The following SCGN variants were observed in gnomAD, a reference collection of about 807,000 sequenced individuals.
SCGN encodes the protein secretagogin, EF-hand calcium binding protein, also known as secretagogin.
In SCGN, 30 loss-of-function variants were observed where a neutral mutation model predicts 39.7. The ratio of observed to expected loss-of-function variants is 0.76; its 90% CI spans 0.57 to 1.03. The LOEUF (loss-of-function observed/expected upper bound fraction) is 1.03, where lower values mean the gene tolerates loss of function less well. Ranked by LOEUF, SCGN falls within the 50% of genes least tolerant of loss-of-function variation. The pLI, the probability that SCGN is intolerant of heterozygous loss-of-function variation, is 0.00. For synonymous variants in SCGN, 106 were observed against 114.1 expected, an observed-to-expected ratio of 0.93 and a Z score of 0.45; for missense variants, 353 against 349.4, an observed-to-expected ratio of 1.01 and a Z score of -0.08.
intron 2 of SCGN, 125 bp from the exon 3 acceptor site, chr6:25,661,427 C>T: frequency 1.5e-6 from 1 of 664,004 alleles, no homozygotes; most frequent in East Asian, 2.8e-5. Context: ...TTTAAATGGT[C>T]AAGGAACCTG....
chr6:25,669,364 C>G, intron 4 of SCGN, 147 bp from the exon 5 acceptor site: 1 of 646,918 alleles, frequency 1.5e-6, no homozygotes, highest in Non-Finnish European at 2.6e-6. Flanking sequence ...CAAAATTGCT[C>G]TCACCAAAGA....
intron 3 of SCGN, among the ~76,000 whole-genome samples, chr6:25,663,603 T>G (rs925818850): frequency 3.9e-5 from 6 of 152,192 alleles, no homozygotes; most frequent in African/African-American, 1.4e-4. Flanking sequence ...GGCACAGATA[T>G]ATTAACTAAA....
chr6:25,673,719 T>C (rs549974075), intron 6 of SCGN, among the ~76,000 whole-genome samples: 4 of 152,328 alleles, frequency 2.6e-5, no homozygotes, highest in Admixed American at 6.5e-5. Context: ...TGGTTCTAAA[T>C]TGTCCCATGG....
intron 6 of SCGN, among the ~76,000 whole-genome samples, chr6:25,676,919 A>G (rs1482630796): frequency 6.6e-6 from 1 of 152,220 alleles, no homozygotes; most frequent in Non-Finnish European, 1.5e-5. Context: ...TGAATGAATG[A>G]TGCCAGTCAC....
At chr6:25,684,599 G>C (rs1342359170) in intron 7 of SCGN, among the ~76,000 whole-genome samples, 1 of 152,142 alleles carries the variant, frequency 6.6e-6, no homozygotes, top group Non-Finnish European at 1.5e-5. Context: ...TTTGAGGCCA[G>C]CCTGGCCAGC....
intron 2 of SCGN, among the ~76,000 whole-genome samples, chr6:25,660,669 T>C (rs1378665486): frequency 2.0e-5 from 3 of 152,194 alleles, no homozygotes; most frequent in Non-Finnish European, 4.4e-5. Context: ...CCTGTACACA[T>C]GTGCATGGAT....
chr6:25,666,016 GTTATTTATTTATTTAT>G (rs10585201), intron 4 of SCGN, among the ~76,000 whole-genome samples: 2 of 149,868 alleles, frequency 1.3e-5, no homozygotes, highest in African/African-American at 4.9e-5. Flanking sequence ...ATTATCCACA[GTTATTTATTTATTTAT>G]TTATTTATTT....
intron 7 of SCGN, among the ~76,000 whole-genome samples, chr6:25,682,836 C>G (rs1759655000): frequency 6.6e-6 from 1 of 152,144 alleles, no homozygotes; most frequent in Non-Finnish European, 1.5e-5. Context: ...GGTAACTCGA[C>G]AAAGTCACAA....
intron 6 of SCGN, among the ~76,000 whole-genome samples, chr6:25,672,381 A>G (rs1759511462): frequency 2.6e-5 from 4 of 152,238 alleles, no homozygotes. Context: ...GATGAGTGTT[A>G]TGGAAAAAAT....
intron 1 of SCGN, among the ~76,000 whole-genome samples, chr6:25,652,998 A>G (rs1030507154): frequency 6.6e-6 from 1 of 152,250 alleles, no homozygotes; most frequent in Admixed American, 6.5e-5. Context: ...TAATAAAGAA[A>G]TAAAATATCT....
intron 2 of SCGN, among the ~76,000 whole-genome samples, chr6:25,660,735 G>C (rs12530453): frequency 5.3e-5 from 8 of 152,212 alleles, no homozygotes; most frequent in Non-Finnish European, 1.0e-4. Context: ...AACACCAACA[G>C]GGAGGATAAT....
intron 2 of SCGN, among the ~76,000 whole-genome samples, chr6:25,656,754 G>T (rs575609287): frequency 1.3e-5 from 2 of 152,170 alleles, no homozygotes; most frequent in Non-Finnish European, 2.9e-5. Context: ...GGGGTTAGGG[G>T]TCTGAGAAGA....
chr6:25,654,823 T>C (rs1760199101), intron 2 of SCGN, among the ~76,000 whole-genome samples: 1 of 152,158 alleles, frequency 6.6e-6, no homozygotes, highest in Non-Finnish European at 1.5e-5. Flanking sequence ...CCCCTTACCC[T>C]GTGCAGCCTG....
intron 10 of SCGN, among the ~76,000 whole-genome samples, chr6:25,700,093 AAATTAGCCGG>A (rs1364985697): frequency 6.6e-6 from 1 of 151,822 alleles, no homozygotes; most frequent in Non-Finnish European, 1.5e-5. Context: ...TAAAATACAA[AAATTAGCCGG>A]GCATGATGGC....
At chr6:25,675,220 T>G (rs1759548899) in intron 6 of SCGN, among the ~76,000 whole-genome samples, 1 of 152,216 alleles carries the variant, frequency 6.6e-6, no homozygotes, top group Non-Finnish European at 1.5e-5. Context: ...GAAATGAGTT[T>G]ATAGATCCCT....
At chr6:25,659,541 C>T (rs1160877550) in intron 2 of SCGN, among the ~76,000 whole-genome samples, 2 of 151,996 alleles carry the variant, frequency 1.3e-5, no homozygotes, top group Non-Finnish European at 2.9e-5. Flanking sequence ...CAAACATCCT[C>T]TGATTTTTTT....
At chr6:25,655,774 GT>G (rs1422559172) in intron 2 of SCGN, among the ~76,000 whole-genome samples, 1 of 152,248 alleles carries the variant, frequency 6.6e-6, no homozygotes, top group East Asian at 1.9e-4. Context: ...CAGTTAGCAT[GT>G]TTTTTTACCC....
intron 3 of SCGN, among the ~76,000 whole-genome samples, chr6:25,663,342 C>T (rs1760372584): frequency 2.0e-5 from 3 of 152,188 alleles, no homozygotes; most frequent in Admixed American, 2.0e-4. Flanking sequence ...TTCCAGTTGA[C>T]CCTGTGTAGG....
chr6:25,701,156 G>A, intron 10 of SCGN, 51 bp from the exon 11 acceptor site: 1 of 1,572,076 alleles, frequency 6.4e-7, no homozygotes, highest in Non-Finnish European at 8.6e-7. Context: ...GTGTTAAAGG[G>A]TGAGAACACC....
Sources: gnomAD v4.1 joint callset for allele counts (sites outside exome capture counted in the v4.1 genomes callset) on GRCh38, gnomAD v4.1.1 for gene constraint, MANE v1.5 for transcripts, NCBI Gene and HGNC (gene_info 2026-07-23, HGNC 2026-07-21) for gene names.